MMP16: variants seen among roughly 807,000 people sequenced by gnomAD.
MMP16 encodes matrix metalloproteinase-16.
MMP16 carries 12 observed loss-of-function variants against 67.8 expected under a neutral mutation model. The ratio of observed to expected loss-of-function variants is 0.18; its 90% CI spans 0.11 to 0.29. The LOEUF is 0.29. Among genes scored for constraint, MMP16 ranks in the 10% least tolerant of loss-of-function variants. MMP16 has a pLI of 1.00. For synonymous variants in MMP16, 249 were observed against 255.9 expected, an observed-to-expected ratio of 0.97 and a Z score of 0.26; for missense variants, 475 against 765.7, an observed-to-expected ratio of 0.62 and a Z score of 4.48.
intron 4 of MMP16, among the ~76,000 whole-genome samples, chr8:88,157,586 A>G (rs75530935): frequency 0.015 from 2,221 of 152,120 alleles, 47 homozygotes; most frequent in African/African-American, 0.051. Flanking sequence ...GTGTTTAGAC[A>G]GAGCTCCTCT....
intron 7 of MMP16, among the ~76,000 whole-genome samples, chr8:88,073,882 T>C (rs1431825742): frequency 6.6e-6 from 1 of 152,144 alleles, no homozygotes; most frequent in African/African-American, 2.4e-5. Flanking sequence ...CTCCTCAGCT[T>C]CAGCTCAAAT....
chr8:88,135,798 T>A (rs1808109272), intron 4 of MMP16, among the ~76,000 whole-genome samples: 1 of 151,872 alleles, frequency 6.6e-6, no homozygotes, highest in Admixed American at 6.6e-5. Flanking sequence ...TATAAAAAAC[T>A]ATAGCAGGTC....
chr8:88,159,804 C>T (rs1044967734), intron 4 of MMP16, among the ~76,000 whole-genome samples: 9 of 151,874 alleles, frequency 5.9e-5, no homozygotes, highest in African/African-American at 1.7e-4. Context: ...GAGATACGTC[C>T]CATCAATACC....
intron 3 of MMP16, among the ~76,000 whole-genome samples, chr8:88,174,439 A>C (rs1808852333): frequency 6.6e-6 from 1 of 152,216 alleles, no homozygotes; most frequent in Non-Finnish European, 1.5e-5. Flanking sequence ...AAGTTTAACC[A>C]AAGCCTGTTT....
chr8:88,073,241 T>G (rs542574490), intron 7 of MMP16, among the ~76,000 whole-genome samples: 1 of 152,332 alleles, frequency 6.6e-6, no homozygotes, highest in East Asian at 1.9e-4. Flanking sequence ...CCTTGCTTTG[T>G]CCACTGTGGT....
intron 1 of MMP16, among the ~76,000 whole-genome samples, chr8:88,223,113 C>CA (rs780766882): frequency 3.0e-4 from 46 of 152,118 alleles, no homozygotes; most frequent in Non-Finnish European, 5.1e-4. Context: ...CACTGGTCAT[C>CA]AGAGAAATGC....
rs1236016840 is a variant in MMP16 at position 88,033,318 on chromosome 8, T to C, written c.*8143A>G. On this transcript the variant is annotated 3_prime_UTR_variant, in exon 10 of 10. Coordinates refer to ENST00000286614, the MANE Select transcript of MMP16 (RefSeq NM_005941.5). The stretch of plus-strand genomic sequence containing the variant: ...AATATATATATATATATGTATCATA[T>C]ATACTATATATTCCTAAATCTATAT... 6.7e-6 allele frequency: 1 copy of C among 149,770 alleles called. No homozygotes were observed. The highest frequency in any genetic ancestry group is 1.5e-5 in the Non-Finnish European group (1 of 67,476). The allele number at this position is 149,770 out of a possible 1,614,324, so 9.3% of individuals were successfully genotyped here. A position where few individuals can be genotyped will look rare whatever the true frequency, so the allele number is the denominator to read the frequency against.
chr8:88,271,779 C>T (rs779852537), intron 1 of MMP16, among the ~76,000 whole-genome samples: 7 of 152,182 alleles, frequency 4.6e-5, no homozygotes, highest in Non-Finnish European at 1.0e-4. Context: ...AGTTAGAAAA[C>T]ATTGGCTTAA....
At chr8:88,192,051 C>G (rs1268012166) in intron 2 of MMP16, among the ~76,000 whole-genome samples, 1 of 152,194 alleles carries the variant, frequency 6.6e-6, no homozygotes, top group Non-Finnish European at 1.5e-5. Context: ...TCCATACTTT[C>G]ACAAGTTTTA....
intron 7 of MMP16, among the ~76,000 whole-genome samples, chr8:88,071,018 T>C (rs753800425): frequency 6.6e-6 from 1 of 152,100 alleles, no homozygotes; most frequent in African/African-American, 2.4e-5. Flanking sequence ...GAATGTAGAA[T>C]TGGACACACA....
At chr8:88,064,997 C>T (rs1808445791) in intron 7 of MMP16, among the ~76,000 whole-genome samples, 1 of 152,082 alleles carries the variant, frequency 6.6e-6, no homozygotes, top group African/African-American at 2.4e-5. Flanking sequence ...AGGCTACACT[C>T]TTCTTCAGCA....
chr8:88,193,621 G>T (rs778733263), intron 2 of MMP16, among the ~76,000 whole-genome samples: 1 of 152,034 alleles, frequency 6.6e-6, no homozygotes, highest in Non-Finnish European at 1.5e-5. Context: ...AATGGCAAAT[G>T]CTTGAGGTGA....
intron 6 of MMP16, among the ~76,000 whole-genome samples, chr8:88,076,366 TTA>T (rs1349374289): frequency 6.6e-6 from 1 of 152,110 alleles, no homozygotes; most frequent in East Asian, 1.9e-4. Flanking sequence ...TTGAAACGAG[TTA>T]TCTACTTTCC....
At chr8:88,048,455 A>T (rs951082434) in intron 8 of MMP16, among the ~76,000 whole-genome samples, 5 of 152,172 alleles carry the variant, frequency 3.3e-5, no homozygotes, top group African/African-American at 1.2e-4. Flanking sequence ...TTGACAAAAT[A>T]GGGTAAAATC....
At chr8:88,193,970 T>C (rs1197063856) in intron 2 of MMP16, among the ~76,000 whole-genome samples, 8 of 151,946 alleles carry the variant, frequency 5.3e-5, no homozygotes, top group Non-Finnish European at 1.2e-4. Context: ...CTTCCAAAAA[T>C]TAGCTATGCA....
intron 7 of MMP16, chr8:88,069,314 C>T (rs896133757): frequency 5.6e-6 from 2 of 359,470 alleles, no homozygotes; most frequent in Admixed American, 4.4e-5. Flanking sequence ...TTGGTGTTTA[C>T]GAATGCAATT....
In MMP16 at chr8:88,084,552, T is replaced by C. The variant is rs113816424; in HGVS notation, c.1084-9809A>G. Among the ~76,000 whole-genome samples, 234 of 152,074 alleles carry C rather than the reference T, an allele frequency of 1.5e-3. 3 individuals are homozygous for C. Among genetic ancestry groups the C allele is most frequent in the African/African-American group, 5.2e-3 (216 of 41,552 alleles). ...GTCAAAAGCAACACATAGATAGTCA[T>C]TGGATCCCGTATTTAAAGATGAAAT... On this transcript the variant is annotated intron_variant, in intron 6 of 9. Transcript: ENST00000286614.
At chr8:88,128,496 T>C (rs753892201) in intron 4 of MMP16, among the ~76,000 whole-genome samples, 12 of 151,902 alleles carry the variant, frequency 7.9e-5, no homozygotes, top group Non-Finnish European at 1.0e-4. Context: ...AAACATTTAC[T>C]ATAGGAAACT....
At chr8:88,149,691 C>T (rs1202696778) in intron 4 of MMP16, among the ~76,000 whole-genome samples, 139 of 151,606 alleles carry the variant, frequency 9.2e-4, no homozygotes, top group Admixed American at 2.2e-3. Flanking sequence ...AAAGGACATC[C>T]ACACCAAAAA....
Sources: gnomAD v4.1 joint callset for allele counts (sites outside exome capture counted in the v4.1 genomes callset) on GRCh38, gnomAD v4.1.1 for gene constraint, MANE v1.5 for transcripts, NCBI Gene and HGNC (gene_info 2026-07-23, HGNC 2026-07-21) for gene names.